MAGI2: variants seen among roughly 807,000 people sequenced by gnomAD.
MAGI2 encodes the protein membrane-associated guanylate kinase, WW and PDZ domain-containing protein 2.
MAGI2 carries 35 observed loss-of-function variants against 133.3 expected under a neutral mutation model. That is an observed-to-expected ratio of 0.26 (90% CI 0.20 to 0.35). The LOEUF (loss-of-function observed/expected upper bound fraction) is 0.35. Among genes scored for constraint, MAGI2 ranks in the 10% least tolerant of loss-of-function variants. The probability of loss-of-function intolerance (pLI) is 1.00; values close to 1 mark genes in which losing one functional copy is unlikely to be tolerated. For synonymous variants in MAGI2, 729 were observed against 710.6 expected (o/e 1.03, Z -0.41); for missense variants, 1,636 against 1,863.4 (o/e 0.88, Z 2.25).
At chr7:78,665,118 G>A (rs926507822) in intron 2 of MAGI2, among the ~76,000 whole-genome samples, 2 of 151,948 alleles carry the variant, frequency 1.3e-5, no homozygotes, top group Non-Finnish European at 2.9e-5. Flanking sequence ...AAACAGTATT[G>A]CAATGAGTGA....
At chr7:78,905,926 G>C (rs1797963925) in intron 2 of MAGI2, among the ~76,000 whole-genome samples, 1 of 152,098 alleles carries the variant, frequency 6.6e-6, no homozygotes, top group Non-Finnish European at 1.5e-5. Context: ...AGAAAAGTTT[G>C]TCTTACCCAC....
intron 1 of MAGI2, among the ~76,000 whole-genome samples, chr7:79,168,934 A>ATATAT (rs1444243887): frequency 7.5e-6 from 1 of 133,376 alleles, no homozygotes; most frequent in African/African-American, 2.9e-5. Context: ...ATATATATAT[A>ATATAT]AATTTTTTTT....
At chr7:78,433,049 G>C (rs1799949270) in intron 6 of MAGI2, among the ~76,000 whole-genome samples, 1 of 152,018 alleles carries the variant, frequency 6.6e-6, no homozygotes, top group African/African-American at 2.4e-5. Flanking sequence ...TAGAGTAGTT[G>C]CTTATAAACA....
At chr7:79,102,734 T>G (rs1197228661) in intron 1 of MAGI2, among the ~76,000 whole-genome samples, 2 of 152,188 alleles carry the variant, frequency 1.3e-5, no homozygotes, top group African/African-American at 4.8e-5. Flanking sequence ...TTTAGTTGAT[T>G]TAATTACTTT....
intron 21 of MAGI2, among the ~76,000 whole-genome samples, chr7:78,033,780 C>T (rs529615020): frequency 6.6e-6 from 1 of 152,116 alleles, no homozygotes; most frequent in Non-Finnish European, 1.5e-5. Flanking sequence ...GGGCCGAGCT[C>T]AGTGGGCTGC....
In MAGI2 at chr7:78,738,219, G is replaced by A. The variant is rs572206192; in HGVS notation, c.419-110980C>T. ...AGCAATTTCCTCCATGTACCTGCAA[G>A]TTTTCTTGAAAGACTGGGGATGTAG... On this transcript the variant is annotated intron_variant, in intron 2 of 21. Coordinates refer to ENST00000354212, the MANE Select transcript of MAGI2 (RefSeq NM_012301.4). 2.0e-5 allele frequency among the ~76,000 whole-genome samples: 3 copies of A among 152,212 alleles called. No individual in the cohort carries two copies. In the South Asian group the frequency reaches 6.2e-4, roughly 32 times the overall value.
chr7:78,580,526 A>G (rs116154880), intron 3 of MAGI2, among the ~76,000 whole-genome samples: 51 of 152,340 alleles, frequency 3.3e-4, no homozygotes, highest in African/African-American at 1.2e-3. Flanking sequence ...CCTCATCCCA[A>G]TTGGGGCACA....
At chr7:79,050,063 G>C (rs1477573714) in intron 1 of MAGI2, among the ~76,000 whole-genome samples, 1 of 152,100 alleles carries the variant, frequency 6.6e-6, no homozygotes, top group Non-Finnish European at 1.5e-5. Context: ...TTGAAATTAA[G>C]TTCCTTCAAA....
At chr7:78,595,429 T>A (rs1804493009) in intron 3 of MAGI2, among the ~76,000 whole-genome samples, 1 of 152,180 alleles carries the variant, frequency 6.6e-6, no homozygotes, top group South Asian at 2.1e-4. Flanking sequence ...CTGCTTACGC[T>A]CTCATCTAAC....
chr7:79,379,729 T>C (rs1016895742), intron 1 of MAGI2, among the ~76,000 whole-genome samples: 32 of 152,040 alleles, frequency 2.1e-4, no homozygotes, highest in African/African-American at 7.2e-4. Context: ...TGAGCATTTT[T>C]TCATGTGTCT....
chr7:78,934,260 C>A (rs759487891), intron 2 of MAGI2, among the ~76,000 whole-genome samples: 4 of 152,080 alleles, frequency 2.6e-5, no homozygotes, highest in Non-Finnish European at 4.4e-5. Flanking sequence ...TGTCACCACA[C>A]CCAGCTATTA....
At chr7:78,655,682 T>C (rs566285059) in intron 2 of MAGI2, among the ~76,000 whole-genome samples, 6 of 151,938 alleles carry the variant, frequency 3.9e-5, no homozygotes, top group Non-Finnish European at 8.8e-5. Flanking sequence ...GATATGTGTT[T>C]AGAAAGAAAA....
intron 2 of MAGI2, among the ~76,000 whole-genome samples, chr7:78,961,619 A>G (rs990068305): frequency 3.9e-5 from 6 of 152,098 alleles, no homozygotes; most frequent in Non-Finnish European, 8.8e-5. Flanking sequence ...TTGTACTGTA[A>G]TGCCAGCTGA....
intron 6 of MAGI2, among the ~76,000 whole-genome samples, chr7:78,406,991 C>CA (rs1193058099): frequency 6.6e-6 from 1 of 151,932 alleles, no homozygotes; most frequent in African/African-American, 2.4e-5. Context: ...AAAAAAAGCC[C>CA]AAAAAATCCT....
intron 3 of MAGI2, among the ~76,000 whole-genome samples, chr7:78,626,116 A>G (rs980940424): frequency 1.3e-5 from 2 of 152,206 alleles, no homozygotes; most frequent in East Asian, 3.8e-4. Flanking sequence ...TAAGCAGCAA[A>G]GTATATATCA....
chr7:79,384,488 T>G (rs1260836409), intron 1 of MAGI2, among the ~76,000 whole-genome samples: 1 of 151,590 alleles, frequency 6.6e-6, no homozygotes. Context: ...GCTATATAAC[T>G]TTTTCCATTA....
chr7:79,342,944 A>C (rs979373086), intron 1 of MAGI2, among the ~76,000 whole-genome samples: 1 of 151,710 alleles, frequency 6.6e-6, no homozygotes, highest in Non-Finnish European at 1.5e-5. Context: ...TATTGTTTTT[A>C]GTAGAAAGGG....
In MAGI2 at chr7:78,485,219, A is replaced by G. The variant is rs1227083637; in HGVS notation, c.1045+4542T>C. On this transcript the variant is annotated intron_variant, in intron 6 of 21. Coordinates refer to ENST00000354212, the MANE Select transcript of MAGI2 (RefSeq NM_012301.4). Reference sequence around the variant, plus strand: ...AGTGGTTAACTGCTGTTTCTGTGGCATTTTAAAAAAGACTATATTGGCTTG... The same window carrying G: ...AGTGGTTAACTGCTGTTTCTGTGGCGTTTTAAAAAAGACTATATTGGCTTG... 3.3e-5 allele frequency: 5 copies of G among 151,948 alleles called. No individual in the cohort carries two copies. The East Asian group carries it at 7.8e-4, about 24-fold the overall frequency. The allele number at this position is 151,948 out of a possible 1,614,324, so 9.4% of individuals were successfully genotyped here.
intron 1 of MAGI2, among the ~76,000 whole-genome samples, chr7:79,363,493 G>C (rs1272051571): frequency 1.3e-5 from 2 of 150,654 alleles, no homozygotes; most frequent in Non-Finnish European, 3.0e-5. Context: ...GAAAGGCATA[G>C]CCCCAAAATA....
Sources: gnomAD v4.1 joint callset for allele counts (sites outside exome capture counted in the v4.1 genomes callset) on GRCh38, gnomAD v4.1.1 for gene constraint, MANE v1.5 for transcripts, NCBI Gene and HGNC (gene_info 2026-07-23, HGNC 2026-07-21) for gene names.